Variants in CSMD1 observed in about 807,000 individuals in gnomAD.
CSMD1 encodes the protein CUB and sushi domain-containing protein 1.
Under a neutral mutation model 417.5 loss-of-function variants are expected in CSMD1, and 213 were observed. That is an observed-to-expected ratio of 0.51 (90% CI 0.46 to 0.57). The LOEUF is 0.57. Among genes scored for constraint, CSMD1 ranks in the 20% least tolerant of loss-of-function variants. The probability of loss-of-function intolerance (pLI) is 0.00; values close to 1 mark genes in which losing one functional copy is unlikely to be tolerated. For missense variants in CSMD1, 6,923 were observed against 4,529.7 expected (o/e 1.53, Z -15.17); for synonymous variants, 2,862 against 1,736.8 (o/e 1.65, Z -16.11).
chr8:4,093,892 A>C (rs1443525283), intron 3 of CSMD1, among the ~76,000 whole-genome samples: 3 of 152,130 alleles, frequency 2.0e-5, no homozygotes, highest in Admixed American at 2.0e-4. Context: ...CGCAGGAGGC[A>C]GAGGTTTCAG....
chr8:3,682,803 CAAT>C (rs1799732570), intron 7 of CSMD1, among the ~76,000 whole-genome samples: 1 of 152,164 alleles, frequency 6.6e-6, no homozygotes, highest in South Asian at 2.1e-4. Flanking sequence ...AAATGTCCAA[CAAT>C]GACAGATGGG....
intron 3 of CSMD1, among the ~76,000 whole-genome samples, chr8:4,143,777 G>C (rs540200754): frequency 6.6e-6 from 1 of 151,214 alleles, no homozygotes; most frequent in African/African-American, 2.5e-5. Flanking sequence ...CACTTCACAG[G>C]GTGGGAGGGG....
At chr8:4,784,292 A>C (rs751889841) in intron 1 of CSMD1, among the ~76,000 whole-genome samples, 24 of 152,240 alleles carry the variant, frequency 1.6e-4, no homozygotes, top group Non-Finnish European at 1.3e-4. Flanking sequence ...CTATAACTAA[A>C]GATTTGGCTC....
chr8:3,454,458 T>C (rs1330323180), intron 12 of CSMD1, among the ~76,000 whole-genome samples: 1 of 152,210 alleles, frequency 6.6e-6, no homozygotes, highest in Non-Finnish European at 1.5e-5. Flanking sequence ...TACCGGTTGT[T>C]CCTTTCCATG....
At chr8:3,673,242 GT>G (rs35827296) in intron 7 of CSMD1, among the ~76,000 whole-genome samples, 1 of 152,050 alleles carries the variant, frequency 6.6e-6, no homozygotes, top group Non-Finnish European at 1.5e-5. Context: ...TTCCAAATTC[GT>G]TTCTATTGAA....
chr8:3,246,649 T>A (rs1029561710), intron 26 of CSMD1, among the ~76,000 whole-genome samples: 2 of 152,150 alleles, frequency 1.3e-5, no homozygotes, highest in Admixed American at 1.3e-4. Context: ...TTTTTGAATT[T>A]TTGAAAGAGA....
intron 1 of CSMD1, among the ~76,000 whole-genome samples, chr8:4,823,652 A>T (rs1341917071): frequency 6.6e-6 from 1 of 152,096 alleles, no homozygotes; most frequent in East Asian, 1.9e-4. Context: ...AAGAATAGCA[A>T]TAATCACAAC....
intron 3 of CSMD1, among the ~76,000 whole-genome samples, chr8:4,257,890 G>T (rs1309705346): frequency 1.3e-5 from 2 of 152,178 alleles, no homozygotes; most frequent in African/African-American, 4.8e-5. Context: ...TGCCTCTGTT[G>T]TGACCAGGCT....
At chr8:4,238,212 C>G (rs994692903) in intron 3 of CSMD1, among the ~76,000 whole-genome samples, 1 of 152,158 alleles carries the variant, frequency 6.6e-6, no homozygotes, top group Non-Finnish European at 1.5e-5. Context: ...ACACTCCCAC[C>G]CTATAAAATG....
intron 10 of CSMD1, among the ~76,000 whole-genome samples, chr8:3,537,735 G>C (rs1169489207): frequency 6.6e-6 from 1 of 152,130 alleles, no homozygotes; most frequent in African/African-American, 2.4e-5. Flanking sequence ...AGAATCAAAA[G>C]TTTTTAACTA....
At chr8:4,111,798 A>G (rs898193465) in intron 3 of CSMD1, among the ~76,000 whole-genome samples, 2 of 152,130 alleles carry the variant, frequency 1.3e-5, no homozygotes, top group African/African-American at 2.4e-5. Context: ...GAGCATCAGG[A>G]TAAATAGCTA....
At chr8:3,631,625 C>A (rs548238480) in intron 7 of CSMD1, among the ~76,000 whole-genome samples, 1 of 152,172 alleles carries the variant, frequency 6.6e-6, no homozygotes, top group Non-Finnish European at 1.5e-5. Flanking sequence ...TTTTGCAACA[C>A]TGAAGATCAC....
At chr8:4,595,284 A>G (rs920045447) in intron 2 of CSMD1, among the ~76,000 whole-genome samples, 1 of 127,516 alleles carries the variant, frequency 7.8e-6, no homozygotes, top group Non-Finnish European at 1.5e-5. Flanking sequence ...TATGATAAAT[A>G]AAAAGGAAAG....
rs115208569 is a variant in CSMD1, at chr8:4,504,144, T to C, written c.303-84079A>G. Among the ~76,000 whole-genome samples the C allele has an allele frequency of 4.5e-3, 687 of 152,220 alleles. 8 individuals carry two copies. Among genetic ancestry groups the C allele is most frequent in the African/African-American group, 0.016 (661 of 41,524 alleles). ...ATATATAGCCCATGGAGGATTACTC[T>C]TCACTCTTCAAAAGGGAGATCCTGC... On this transcript the variant is annotated intron_variant, in intron 2 of 69. Transcript: ENST00000635120.
At chr8:4,697,587 G>A (rs982601184) in intron 1 of CSMD1, among the ~76,000 whole-genome samples, 10 of 152,050 alleles carry the variant, frequency 6.6e-5, no homozygotes, top group Admixed American at 2.0e-4. Context: ...AGTGACTATT[G>A]ACTAGAGTTC....
chr8:4,170,100 T>A (rs1419793760), intron 3 of CSMD1, among the ~76,000 whole-genome samples: 6 of 151,730 alleles, frequency 4.0e-5, no homozygotes, highest in African/African-American at 7.3e-5. Context: ...AAAATATGTA[T>A]CCCTAACCTG....
At chr8:4,981,862 C>G (rs1205500302) in intron 1 of CSMD1, among the ~76,000 whole-genome samples, 1 of 152,074 alleles carries the variant, frequency 6.6e-6, no homozygotes, top group African/African-American at 2.4e-5. Flanking sequence ...AATTGTAGCA[C>G]TCAACTGTGG....
intron 3 of CSMD1, among the ~76,000 whole-genome samples, chr8:4,306,079 G>A (rs1054432167): frequency 9.2e-5 from 14 of 152,142 alleles, no homozygotes; most frequent in Admixed American, 3.9e-4. Context: ...ATGATTGTGA[G>A]AAATGTTATA....
chr8:3,981,111 G>A (rs1177939066), intron 5 of CSMD1, among the ~76,000 whole-genome samples: 2 of 152,178 alleles, frequency 1.3e-5, no homozygotes, highest in Admixed American at 6.5e-5. Flanking sequence ...AATGCATGCT[G>A]AAATGTCAGG....
Sources: allele counts gnomAD v4.1 joint callset (sites outside exome capture counted in the v4.1 genomes callset), GRCh38; gene constraint gnomAD v4.1.1; transcripts MANE v1.5; gene names NCBI Gene and HGNC (gene_info 2026-07-23, HGNC 2026-07-21).